EFNA3: variants seen among roughly 807,000 people sequenced by gnomAD.
The protein encoded by EFNA3 is ephrin-A3.
In EFNA3, 15 loss-of-function variants were observed where a neutral mutation model predicts 25.0. The observed-to-expected ratio is 0.60, with a 90% CI of 0.40 to 0.92. The LOEUF (loss-of-function observed/expected upper bound fraction) is 0.92, where lower values mean the gene tolerates loss of function less well. Ranked by LOEUF, EFNA3 falls within the 40% of genes least tolerant of loss-of-function variation. EFNA3 has a pLI of 0.00. For missense variants in EFNA3, 298 were observed against 323.8 expected (o/e 0.92, Z 0.61); for synonymous variants, 153 against 145.6 (o/e 1.05, Z -0.37).
In EFNA3 at chr1:155,080,994, G is replaced by A. The variant is rs193268108; in HGVS notation, c.128+1925G>A. Among the ~76,000 whole-genome samples, 265 of 152,254 alleles carry A rather than the reference G, an allele frequency of 1.7e-3. 5 individuals are homozygous for A. The East Asian group carries it at 0.045, about 26-fold the overall frequency. On this transcript the variant is annotated intron_variant, in intron 1 of 4. Coordinates refer to ENST00000368408, the MANE Select transcript of EFNA3 (RefSeq NM_004952.5). This position sits in a 1 kb window ranked among gnomAD's most constrained non-coding sequence, Gnocchi z 7.0. ...AGAGGGCCGGGGAGCTGGGGGCGGG[G>A]CCGACCGAGCCACAGGCTCCCGCGC...
chr1:155,086,524 T>C lies in EFNA3; in HGVS notation c.698T>C (p.Met233Thr). 1.2e-6 allele frequency: 2 copies of C among 1,613,878 alleles called. No homozygotes were observed. The highest frequency in any genetic ancestry group is 1.1e-5 in the South Asian group (1 of 91,072). Residue 233 changes from methionine (M) to threonine (T), a missense_variant, in exon 5 of 5, where the codon ATG becomes ACG. Coordinates refer to ENST00000368408, the MANE Select transcript of EFNA3 (RefSeq NM_004952.5). Reference protein sequence around the residue: ...PLAVGIAFFLMTFLAS With the variant: ...PLAVGIAFFLTTFLAS ...GCCGTGGGCATCGCCTTCTTCCTCA[T>C]GACGTTCTTGGCCTCCTAGCTCTGC...
rs1031352572 is a variant in EFNA3, at chr1:155,081,208, C to T, written c.128+2139C>T. ...ACACCGGCCGCGACCTAGCCCTCTGCCCCCCACTCAGTACTTCCATTTAGT... is the reference window on the plus strand; with the variant it reads ...ACACCGGCCGCGACCTAGCCCTCTGTCCCCCACTCAGTACTTCCATTTAGT... On this transcript the variant is annotated intron_variant, in intron 1 of 4. Transcript: ENST00000368408. This position sits in a 1 kb window ranked among gnomAD's most constrained non-coding sequence, Gnocchi z 5.2. Among the ~76,000 whole-genome samples the T allele has an allele frequency of 2.6e-5, 4 of 152,320 alleles. No individual in the cohort carries two copies. Among genetic ancestry groups the T allele is most frequent in the South Asian group, 2.1e-4 (1 of 4,830 alleles).
intron 1 of EFNA3, among the ~76,000 whole-genome samples, chr1:155,084,439 TTC>T (rs1663407009): frequency 6.6e-6 from 1 of 152,196 alleles, no homozygotes; most frequent in Non-Finnish European, 1.5e-5. Flanking sequence ...AGCCCAGCTT[TTC>T]TGTGTGTCTG....
At position 155,079,215 on chromosome 1, in the gene EFNA3, C is replaced by T; in HGVS notation, c.128+146C>T. 3 of 967,026 alleles carry T rather than the reference C, an allele frequency of 3.1e-6. No individual in the cohort carries two copies. The highest frequency in any genetic ancestry group is 4.1e-6 in the Non-Finnish European group (3 of 731,918). 59.9% of individuals were successfully genotyped at this position (967,026 alleles called of 1,614,324 possible). A position where few individuals can be genotyped will look rare whatever the true frequency, so the allele number is the denominator to read the frequency against. ...GAGGGGACGGAGAGGGGGACGCACT[C>T]TGTGGGCGTCTAGGAAACTCGGGGG... On this transcript the variant is annotated intron_variant, in intron 1 of 4. Coordinates refer to ENST00000368408, the MANE Select transcript of EFNA3 (RefSeq NM_004952.5). The surrounding 1 kb of genome is among the most constrained non-coding windows in gnomAD (Gnocchi z 7.7).
intron 4 of EFNA3, 34 bp from the exon 5 acceptor site, chr1:155,086,379 G>T: frequency 6.2e-7 from 1 of 1,612,110 alleles, no homozygotes; most frequent in South Asian, 1.1e-5. Context: ...GCGCAACCCA[G>T]CCCTCACCAG....
chr1:155,078,937 C>T lies in EFNA3; in HGVS notation c.-5C>T, dbSNP rs1038968091. ...CGGGGGGCGGCGGCGGCGGCGGCTC[C>T]GGGGATGGCGGCGGCTCCGCTGCTG... On this transcript the variant is annotated 5_prime_UTR_variant, in exon 1 of 5. Coordinates refer to ENST00000368408, the MANE Select transcript of EFNA3 (RefSeq NM_004952.5). The T allele has an allele frequency of 1.4e-6, 2 of 1,396,632 alleles. No individual in the cohort carries two copies. Among genetic ancestry groups the T allele is most frequent in the African/African-American group, 1.5e-5 (1 of 65,718 alleles). 86.5% of individuals were successfully genotyped at this position (1,396,632 alleles called of 1,614,324 possible).
chr1:155,085,269 C>G lies in EFNA3; in HGVS notation c.307C>G (p.Gln103Glu). Reference sequence around the variant, plus strand: ...CGGCTACCGCACCTGCAACGCCAGCCAGGGCTTCAAGCGCTGGGAGTGCAA... The same window carrying G: ...CGGCTACCGCACCTGCAACGCCAGCGAGGGCTTCAAGCGCTGGGAGTGCAA... ...RNGYRTCNAS[Q>E]GFKRWECNRP... The change falls in exon 2 of 5, where the codon CAG becomes GAG. Residue 103 changes from glutamine (Q) to glutamate (E), a missense_variant. Transcript: ENST00000368408. The surrounding 1 kb of genome is among the most constrained non-coding windows in gnomAD (Gnocchi z 4.4). 1 of 1,613,016 alleles carries G rather than the reference C, an allele frequency of 6.2e-7. No individual in the cohort carries two copies. Among genetic ancestry groups the G allele is most frequent in the Non-Finnish European group, 8.5e-7 (1 of 1,179,646 alleles).
chr1:155,086,616 AG>A lies in EFNA3; in HGVS notation c.*76del. On this transcript the variant is annotated 3_prime_UTR_variant, in exon 5 of 5. Transcript: ENST00000368408. ...GAGCAGGGAGCCTTTGGCCTCTCCA[AG>A]GGAAGCCTAGTGGGCCTAGACCCCT... The A allele has an allele frequency of 6.3e-7, 1 of 1,575,032 alleles. No homozygotes were observed. Among genetic ancestry groups the A allele is most frequent in the East Asian group, 2.2e-5 (1 of 44,664 alleles).
At chr1:155,083,991 T>C (rs1663391729) in intron 1 of EFNA3, among the ~76,000 whole-genome samples, 1 of 152,208 alleles carries the variant, frequency 6.6e-6, no homozygotes, top group Non-Finnish European at 1.5e-5. Flanking sequence ...ACTACTGCCA[T>C]CGAGGGTGTT....
chr1:155,085,110 A>G lies in EFNA3; in HGVS notation c.148A>G (p.Thr50Ala), dbSNP rs1398680374. The change falls in exon 2 of 5, where the codon ACC becomes GCC. Residue 50 changes from threonine (T) to alanine (A), a missense_variant. By Grantham distance (58) the Thr-to-Ala change is moderately conservative. Transcript: ENST00000368408. The surrounding 1 kb of genome is among the most constrained non-coding windows in gnomAD (Gnocchi z 4.4). Reference sequence around the variant, plus strand: ...CCACAGCCTGCGGCGAGAGGGCTACACCGTGCAGGTGAACGTGAACGACTA... The same window carrying G: ...CCACAGCCTGCGGCGAGAGGGCTACGCCGTGCAGGTGAACGTGAACGACTA... Reference protein sequence around the residue: ...SNQHLRREGYTVQVNVNDYLD... With the variant: ...SNQHLRREGYAVQVNVNDYLD... The G allele has an allele frequency of 6.2e-7, 1 of 1,613,680 alleles. No individual in the cohort carries two copies. The highest frequency in any genetic ancestry group is 8.5e-7 in the Non-Finnish European group (1 of 1,179,970).
rs1453562754 is a variant in EFNA3, at chr1:155,079,079, G to A, written c.128+10G>A. Reference sequence around the variant, plus strand: ...ACAGCTCCAACCAGCAGTGAGTCGGGGACCCTGGGAGTCCGCGCGTCCCGT... The same window carrying A: ...ACAGCTCCAACCAGCAGTGAGTCGGAGACCCTGGGAGTCCGCGCGTCCCGT... On this transcript the variant is annotated intron_variant, in intron 1 of 4. Coordinates refer to ENST00000368408, the MANE Select transcript of EFNA3 (RefSeq NM_004952.5). This position sits in a 1 kb window ranked among gnomAD's most constrained non-coding sequence, Gnocchi z 7.7. 4.5e-6 allele frequency: 6 copies of A among 1,321,612 alleles called. No individual in the cohort carries two copies. Among genetic ancestry groups the A allele is most frequent in the Admixed American group, 4.1e-5 (1 of 24,598 alleles). The allele number at this position is 1,321,612 out of a possible 1,614,324, so 81.9% of individuals were successfully genotyped here.
intron 4 of EFNA3, 29 bp downstream of exon 4, chr1:155,086,234 C>T: frequency 1.9e-6 from 3 of 1,612,348 alleles, no homozygotes; most frequent in Non-Finnish European, 2.5e-6. Context: ...CTCTGGTGGC[C>T]ACTGCTGGAA....
chr1:155,085,827 G>A lies in EFNA3; in HGVS notation c.443-50G>A. The A allele has an allele frequency of 6.2e-7, 1 of 1,601,774 alleles. No individual in the cohort carries two copies. The highest frequency in any genetic ancestry group is 8.5e-7 in the Non-Finnish European group (1 of 1,172,710). ...TGAGAAATAGAGCCGTCGAGGGAGG[G>A]CACAGGCACACATTGGGCGAAAGTG... On this transcript the variant is annotated intron_variant, in intron 2 of 4. Transcript: ENST00000368408. This position sits in a 1 kb window ranked among gnomAD's most constrained non-coding sequence, Gnocchi z 4.4.
Position 155,079,214 on chromosome 1 carries a change from T to A in EFNA3, c.128+145T>A, listed in dbSNP as rs1293904031. ...GGAGGGGACGGAGAGGGGGACGCAC[T>A]CTGTGGGCGTCTAGGAAACTCGGGG... On this transcript the variant is annotated intron_variant, in intron 1 of 4. Coordinates refer to ENST00000368408, the MANE Select transcript of EFNA3 (RefSeq NM_004952.5). This position sits in a 1 kb window ranked among gnomAD's most constrained non-coding sequence, Gnocchi z 7.7. The A allele has an allele frequency of 5.2e-6, 5 of 963,698 alleles. No individual in the cohort carries two copies. The East Asian group carries it at 1.0e-4, about 19-fold the overall frequency. The allele number at this position is 963,698 out of a possible 1,614,324, so 59.7% of individuals were successfully genotyped here. A position where few individuals can be genotyped will look rare whatever the true frequency, so the allele number is the denominator to read the frequency against.
In EFNA3 at chr1:155,078,946, C is replaced by A; in HGVS notation, c.5C>A (p.Ala2Glu). 1 of 1,406,922 alleles carries A rather than the reference C, an allele frequency of 7.1e-7. No individual in the cohort carries two copies. The highest frequency in any genetic ancestry group is 9.3e-7 in the Non-Finnish European group (1 of 1,080,064). The allele number at this position is 1,406,922 out of a possible 1,614,324, so 87.2% of individuals were successfully genotyped here. Residue 2 changes from alanine (A) to glutamate (E), a missense_variant, in exon 1 of 5, where the codon GCG (alanine) becomes GAG (glutamate). By Grantham distance (107) the Ala-to-Glu change is moderately radical (BLOSUM62 -1). Transcript: ENST00000368408. ...GCGGCGGCGGCGGCTCCGGGGATGG[C>A]GGCGGCTCCGCTGCTGCTGCTGCTG... is the stretch of plus-strand genomic sequence containing the variant. M[A>E]AAPLLLLLLL... is the part of the protein sequence containing the mutation.
At position 155,085,321 on chromosome 1, in the gene EFNA3, T is replaced by C; in HGVS notation, c.359T>C (p.Ile120Thr). 6.2e-7 allele frequency: 1 copy of C among 1,613,114 alleles called. No individual in the cohort carries two copies. The highest frequency in any genetic ancestry group is 8.5e-7 in the Non-Finnish European group (1 of 1,179,586). ...CNRPHAPHSP[I>T]KFSEKFQRYS... ...CGGCCGCACGCCCCGCACAGCCCCA[T>C]CAAGTTCTCGGAGAAGTTCCAGCGC... Residue 120 changes from isoleucine to threonine, a missense_variant, in exon 2 of 5, where the codon ATC becomes ACC. Ile to Thr is a moderately conservative substitution (Grantham distance 89, BLOSUM62 -1). Transcript: ENST00000368408. The surrounding 1 kb of genome is among the most constrained non-coding windows in gnomAD (Gnocchi z 4.4).
chr1:155,086,160 C>T lies in EFNA3; in HGVS notation c.541C>T (p.Leu181Phe). The T allele has an allele frequency of 6.2e-7, 1 of 1,613,294 alleles. No homozygotes were observed. The highest frequency in any genetic ancestry group is 8.5e-7 in the Non-Finnish European group (1 of 1,179,594). The change falls in exon 4 of 5, where the codon CTC becomes TTC. Residue 181 changes from leucine (L) to phenylalanine (F), a missense_variant. Coordinates refer to ENST00000368408, the MANE Select transcript of EFNA3 (RefSeq NM_004952.5). ...SHSGEKPVPTLPQFTMGPNVK... is the reference protein window; with the variant it reads ...SHSGEKPVPTFPQFTMGPNVK... Reference sequence around the variant, plus strand: ...CTCCGGGGAGAAGCCGGTCCCCACTCTCCCCCAGTTCACCATGGGCCCCAA... The same window carrying T: ...CTCCGGGGAGAAGCCGGTCCCCACTTTCCCCCAGTTCACCATGGGCCCCAA...
In EFNA3 at chr1:155,079,906, C is replaced by A. The variant is rs1472833064; in HGVS notation, c.128+837C>A. Reference sequence around the variant, plus strand: ...GTCCGCGCGGCCAGCTGCGTCTGGGCTGGGGTGGCTGTTGGCGCCGCCGCG... The same window carrying A: ...GTCCGCGCGGCCAGCTGCGTCTGGGATGGGGTGGCTGTTGGCGCCGCCGCG... On this transcript the variant is annotated intron_variant, in intron 1 of 4. Coordinates refer to ENST00000368408, the MANE Select transcript of EFNA3 (RefSeq NM_004952.5). The surrounding 1 kb of genome is among the most constrained non-coding windows in gnomAD (Gnocchi z 7.7). Among the ~76,000 whole-genome samples, 1 of 151,920 alleles carries A rather than the reference C, an allele frequency of 6.6e-6. No homozygotes were observed. The highest frequency in any genetic ancestry group is 2.4e-5 in the African/African-American group (1 of 41,344).
rs1042446877 is a variant in EFNA3 at position 155,080,933 on chromosome 1, A to T, written c.128+1864A>T. ...TCACTGCGGCAGCCGCGGCCCCATA[A>T]ATCGTGAGAGCGACGTGCTCCGGAG... On this transcript the variant is annotated intron_variant, in intron 1 of 4. Transcript: ENST00000368408. This position sits in a 1 kb window ranked among gnomAD's most constrained non-coding sequence, Gnocchi z 7.0. Among the ~76,000 whole-genome samples the T allele has an allele frequency of 6.6e-6, 1 of 151,914 alleles. No individual in the cohort carries two copies. Among genetic ancestry groups the T allele is most frequent in the Non-Finnish European group, 1.5e-5 (1 of 67,920 alleles).
Sources: gnomAD v4.1 joint callset for allele counts (sites outside exome capture counted in the v4.1 genomes callset) on GRCh38, gnomAD v4.1.1 for gene constraint, Gnocchi (gnomAD v3.1) non-coding constraint, MANE v1.5 for transcripts, NCBI Gene and HGNC (gene_info 2026-07-23, HGNC 2026-07-21) for gene names.